SNTG2: variants seen among roughly 807,000 people sequenced by gnomAD.
SNTG2 encodes the protein gamma-2-syntrophin.
SNTG2 carries 74 observed loss-of-function variants against 70.9 expected under a neutral mutation model. The observed-to-expected ratio is 1.04, with a 90% CI of 0.86 to 1.27. The LOEUF is 1.27. Ranked by LOEUF, SNTG2 falls within the 50% of genes most tolerant of loss-of-function variation. The pLI, the probability that SNTG2 is intolerant of heterozygous loss-of-function variation, is 0.00. For synonymous variants in SNTG2, 278 were observed against 273.8 expected (o/e 1.02, Z -0.15); for missense variants, 717 against 690.7 (o/e 1.04, Z -0.43).
At chr2:1,053,474 C>G (rs1258065438) in intron 1 of SNTG2, among the ~76,000 whole-genome samples, 1 of 111,880 alleles carries the variant, frequency 8.9e-6, no homozygotes, top group Admixed American at 1.1e-4. Context: ...CTCCATCCCC[C>G]CCCACCCCCC....
intron 1 of SNTG2, among the ~76,000 whole-genome samples, chr2:989,962 A>T (rs1433900471): frequency 6.6e-6 from 1 of 152,256 alleles, no homozygotes; most frequent in Non-Finnish European, 1.5e-5. Flanking sequence ...GGTCCAGGAC[A>T]GGGGTGGCAT....
At chr2:1,174,991 G>T (rs537097060) in intron 8 of SNTG2, among the ~76,000 whole-genome samples, 3 of 152,192 alleles carry the variant, frequency 2.0e-5, no homozygotes, top group Admixed American at 2.0e-4. Flanking sequence ...CATTTTGTTT[G>T]TGCTATCTTC....
chr2:1,038,007 G>T (rs574006344), intron 1 of SNTG2, among the ~76,000 whole-genome samples: 1 of 152,254 alleles, frequency 6.6e-6, no homozygotes, highest in Admixed American at 6.5e-5. Context: ...ATCTGTGGAA[G>T]AGTTTTCAGA....
At chr2:1,074,711 T>G (rs954877473) in intron 1 of SNTG2, among the ~76,000 whole-genome samples, 4 of 152,212 alleles carry the variant, frequency 2.6e-5, no homozygotes, top group African/African-American at 9.7e-5. Flanking sequence ...TGGAAATGTT[T>G]GCCTAGGAGT....
chr2:1,222,327 G>C (rs1017280783), intron 9 of SNTG2, among the ~76,000 whole-genome samples: 9 of 152,186 alleles, frequency 5.9e-5, no homozygotes, highest in Non-Finnish European at 1.3e-4. Context: ...TCTTTTCTTC[G>C]TATCCAAGCA....
chr2:1,056,095 G>C (rs1047957603), intron 1 of SNTG2, among the ~76,000 whole-genome samples: 5 of 151,946 alleles, frequency 3.3e-5, no homozygotes, highest in African/African-American at 4.8e-5. Context: ...GGCTCCTCTG[G>C]CTCCCATCTT....
intron 9 of SNTG2, among the ~76,000 whole-genome samples, chr2:1,229,049 G>C (rs1411444299): frequency 6.6e-6 from 1 of 152,162 alleles, no homozygotes; most frequent in Non-Finnish European, 1.5e-5. Context: ...GAGTGTTACA[G>C]CTCATAAAAG....
intron 12 of SNTG2, among the ~76,000 whole-genome samples, chr2:1,248,481 A>C (rs940619572): frequency 3.3e-5 from 5 of 152,240 alleles, no homozygotes; most frequent in African/African-American, 1.2e-4. Flanking sequence ...CTTTAGTTGC[A>C]AGGTTTTGAA....
At chr2:1,117,634 C>T (rs1484695396) in intron 4 of SNTG2, among the ~76,000 whole-genome samples, 2 of 152,176 alleles carry the variant, frequency 1.3e-5, no homozygotes, top group South Asian at 2.1e-4. Flanking sequence ...GCCACCCCAG[C>T]CTCCAGGGTG....
chr2:1,185,781 T>TG (rs1319512584), intron 8 of SNTG2, among the ~76,000 whole-genome samples: 1 of 152,218 alleles, frequency 6.6e-6, no homozygotes, highest in Non-Finnish European at 1.5e-5. Context: ...TGTGATGGGA[T>TG]GGACTGCTAA....
At chr2:1,147,822 T>C (rs1033777853) in intron 6 of SNTG2, among the ~76,000 whole-genome samples, 1 of 152,334 alleles carries the variant, frequency 6.6e-6, no homozygotes, top group African/African-American at 2.4e-5. Flanking sequence ...ACATGATTGT[T>C]CCATGTGAAA....
At chr2:962,293 A>T (rs1660375426) in intron 1 of SNTG2, among the ~76,000 whole-genome samples, 1 of 88,702 alleles carries the variant, frequency 1.1e-5, no homozygotes, top group African/African-American at 3.7e-5. Context: ...GCTGATCTTG[A>T]ACTCCTGGTC....
At chr2:1,163,559 C>T (rs1294277508) in intron 6 of SNTG2, 1 of 152,198 alleles carries the variant, frequency 6.6e-6, no homozygotes, top group African/African-American at 2.4e-5. Flanking sequence ...TGTGAAGCCT[C>T]CCAACAGCAC....
chr2:1,045,190 A>C (rs1321563550), intron 1 of SNTG2, among the ~76,000 whole-genome samples: 1 of 151,968 alleles, frequency 6.6e-6, no homozygotes, highest in Non-Finnish European at 1.5e-5. Context: ...AGTGGTGTTC[A>C]TAGTAGTTTC....
intron 4 of SNTG2, among the ~76,000 whole-genome samples, chr2:1,119,218 T>TAAA (rs543150400): frequency 2.7e-4 from 41 of 151,788 alleles, no homozygotes; most frequent in African/African-American, 7.0e-4. Context: ...CTTTCCTAGA[T>TAAA]AAAAAAAAGA....
At chr2:1,069,895 C>G (rs1053345991) in intron 1 of SNTG2, among the ~76,000 whole-genome samples, 5 of 152,158 alleles carry the variant, frequency 3.3e-5, no homozygotes, top group African/African-American at 1.2e-4. Context: ...CTCTGGGCCC[C>G]TTCAGCACCT....
At chr2:1,149,894 T>C (rs1455528995) in intron 6 of SNTG2, among the ~76,000 whole-genome samples, 1 of 151,672 alleles carries the variant, frequency 6.6e-6, no homozygotes, top group Non-Finnish European at 1.5e-5. Flanking sequence ...TTCACCATGT[T>C]AGCCAGGATG....
intron 1 of SNTG2, among the ~76,000 whole-genome samples, chr2:1,058,424 C>T (rs918230534): frequency 3.3e-5 from 5 of 152,156 alleles, no homozygotes; most frequent in African/African-American, 1.2e-4. Context: ...GAAATTCTCC[C>T]TGTTTTCATC....
intron 9 of SNTG2, among the ~76,000 whole-genome samples, chr2:1,225,619 A>G (rs1675720749): frequency 6.6e-6 from 1 of 152,214 alleles, no homozygotes; most frequent in Non-Finnish European, 1.5e-5. Context: ...TCTTTGAGCC[A>G]GCGCTTCTGT....
Sources: gnomAD v4.1 joint callset for allele counts (sites outside exome capture counted in the v4.1 genomes callset) on GRCh38, gnomAD v4.1.1 for gene constraint, MANE v1.5 for transcripts, NCBI Gene and HGNC (gene_info 2026-07-23, HGNC 2026-07-21) for gene names.